The following HNMT variants were observed in gnomAD, a reference collection of about 807,000 sequenced individuals.
HNMT encodes histamine N-methyltransferase.
Under a neutral mutation model 32.1 loss-of-function variants are expected in HNMT, and 30 were observed. That is an observed-to-expected ratio of 0.93 (90% CI 0.70 to 1.27). The LOEUF is 1.27. HNMT is among the 50% of genes most tolerant of loss of function. HNMT has a pLI of 0.00. For missense variants in HNMT, 327 were observed against 346.0 expected, an observed-to-expected ratio of 0.95 and a Z score of 0.43; for synonymous variants, 125 against 119.0, an observed-to-expected ratio of 1.05 and a Z score of -0.33.
intron 5 of HNMT, among the ~76,000 whole-genome samples, chr2:138,008,764 C>CA (rs1212571778): frequency 6.6e-6 from 1 of 151,910 alleles, no homozygotes; most frequent in Non-Finnish European, 1.5e-5. Flanking sequence ...ATACTATATA[C>CA]AAAAATCAAC....
At chr2:137,996,494 A>G (rs765700417) in intron 2 of HNMT, among the ~76,000 whole-genome samples, 2 of 152,196 alleles carry the variant, frequency 1.3e-5, no homozygotes, top group Non-Finnish European at 2.9e-5. Context: ...AAGGAGATCT[A>G]CAAAGCATTT....
At chr2:137,999,971 C>A (rs1485447561) in intron 2 of HNMT, among the ~76,000 whole-genome samples, 1 of 151,350 alleles carries the variant, frequency 6.6e-6, no homozygotes, top group African/African-American at 2.4e-5. Context: ...AAGTCGTATA[C>A]ACCGAGTAAG....
At chr2:137,996,410 T>G (rs1680995915) in intron 2 of HNMT, among the ~76,000 whole-genome samples, 1 of 152,012 alleles carries the variant, frequency 6.6e-6, no homozygotes, top group Non-Finnish European at 1.5e-5. Context: ...ATGAATAAAC[T>G]CCAAATCACA....
At chr2:137,983,558 G>A (rs1273183350) in intron 2 of HNMT, among the ~76,000 whole-genome samples, 3 of 152,042 alleles carry the variant, frequency 2.0e-5, no homozygotes, top group Non-Finnish European at 4.4e-5. Context: ...AAACAAACAC[G>A]TTTATTAACG....
At chr2:137,976,027 G>A (rs1177433930) in intron 2 of HNMT, among the ~76,000 whole-genome samples, 1 of 152,146 alleles carries the variant, frequency 6.6e-6, no homozygotes, top group African/African-American at 2.4e-5. Context: ...AGTACTTTGG[G>A]AGGCCAACTG....
At chr2:137,973,516 T>C (rs1372135197) in intron 2 of HNMT, among the ~76,000 whole-genome samples, 3 of 152,326 alleles carry the variant, frequency 2.0e-5, no homozygotes, top group African/African-American at 7.2e-5. Flanking sequence ...ATTGATCCTG[T>C]TCACTCCTTT....
intron 2 of HNMT, among the ~76,000 whole-genome samples, chr2:137,984,916 G>C (rs1680607157): frequency 6.6e-6 from 1 of 152,240 alleles, no homozygotes; most frequent in Non-Finnish European, 1.5e-5. Flanking sequence ...AATTCTGGTA[G>C]CACTATAAGG....
Position 137,985,240 on chromosome 2 carries a change from T to C in HNMT, c.190+15023T>C, listed in dbSNP as rs541190848. Among the ~76,000 whole-genome samples the C allele has an allele frequency of 2.6e-5, 4 of 151,916 alleles. No homozygotes were observed. The East Asian group carries it at 7.7e-4, about 29-fold the overall frequency. ...AAAGATTAAGAATGTATAAAACTGC[T>C]CTAACTCCATCCCTTGACTGCCTTG... On this transcript the variant is annotated intron_variant, in intron 2 of 5. Transcript: ENST00000280097.
chr2:137,989,839 T>C (rs1049137282), intron 2 of HNMT, among the ~76,000 whole-genome samples: 2 of 152,232 alleles, frequency 1.3e-5, no homozygotes, highest in Non-Finnish European at 2.9e-5. Flanking sequence ...ATTTCATTGA[T>C]GGCATATGAT....
chr2:138,000,884 A>C, intron 2 of HNMT, 34 bp from the exon 3 acceptor site: 1 of 1,153,424 alleles, frequency 8.7e-7, no homozygotes, highest in Non-Finnish European at 1.3e-6. Flanking sequence ...TCTTGCTGGA[A>C]TGATGTGACC....
chr2:137,969,136 C>T (rs1320908064), intron 1 of HNMT, among the ~76,000 whole-genome samples: 2 of 152,182 alleles, frequency 1.3e-5, no homozygotes, highest in South Asian at 2.1e-4. Context: ...TTTGCCATGA[C>T]GACGGGCTTT....
At chr2:138,010,776 C>T (rs956269670) in intron 5 of HNMT, among the ~76,000 whole-genome samples, 3 of 151,876 alleles carry the variant, frequency 2.0e-5, no homozygotes, top group Non-Finnish European at 4.4e-5. Context: ...GATATAAGAA[C>T]AAGAGAGTTG....
chr2:137,978,426 TTA>T (rs1184866080), intron 2 of HNMT, among the ~76,000 whole-genome samples: 18 of 144,236 alleles, frequency 1.2e-4, no homozygotes, highest in Admixed American at 5.6e-4. Flanking sequence ...TAATATAGTA[TTA>T]TATACAATAC....
At chr2:137,992,582 G>C (rs1255839710) in intron 2 of HNMT, among the ~76,000 whole-genome samples, 1 of 152,116 alleles carries the variant, frequency 6.6e-6, no homozygotes, top group Non-Finnish European at 1.5e-5. Flanking sequence ...GTGTCCCTAG[G>C]GGGAGGGATG....
chr2:138,001,774 A>G (rs1182489294), intron 3 of HNMT, among the ~76,000 whole-genome samples: 1 of 152,102 alleles, frequency 6.6e-6, no homozygotes, highest in Non-Finnish European at 1.5e-5. Context: ...TTCACTTTCC[A>G]TTGATAAAAT....
At position 138,013,976 on chromosome 2, in the gene HNMT, A is replaced by AT. The variant is rs752033631; in HGVS notation, c.731dup (p.Leu244PhefsTer3). The AT allele has an allele frequency of 9.3e-6, 15 of 1,613,496 alleles. No homozygotes were observed. The highest frequency in any genetic ancestry group is 1.3e-5 in the Non-Finnish European group (15 of 1,179,784). ...AATGAAAATGGAGACCTGCTTTGGG[A>AT]TTTTTTGACTGAAACCTGCAACTTT... is the stretch of plus-strand genomic sequence containing the variant. On this transcript the variant is annotated frameshift_variant, in exon 6 of 6. Coordinates refer to ENST00000280097, the MANE Select transcript of HNMT (RefSeq NM_006895.3). LOFTEE classifies it high-confidence loss of function.
chr2:137,992,506 T>G (rs1419110926), intron 2 of HNMT, among the ~76,000 whole-genome samples: 1 of 152,106 alleles, frequency 6.6e-6, no homozygotes, highest in Non-Finnish European at 1.5e-5. Flanking sequence ...TGGGTGAGGC[T>G]TCCCCCACCA....
intron 5 of HNMT, among the ~76,000 whole-genome samples, chr2:138,006,433 T>A (rs1009707418): frequency 6.6e-6 from 1 of 152,064 alleles, no homozygotes; most frequent in Non-Finnish European, 1.5e-5. Context: ...ATAGTAGGTC[T>A]AATCTCTTAT....
intron 2 of HNMT, among the ~76,000 whole-genome samples, chr2:137,989,244 C>T (rs951495293): frequency 6.6e-6 from 1 of 152,192 alleles, no homozygotes; most frequent in South Asian, 2.1e-4. Context: ...ACATCCACCC[C>T]TCAGCCCCTG....
Sources: allele counts gnomAD v4.1 joint callset (sites outside exome capture counted in the v4.1 genomes callset), GRCh38; gene constraint gnomAD v4.1.1; transcripts MANE v1.5; gene names NCBI Gene and HGNC (gene_info 2026-07-23, HGNC 2026-07-21).